FER: variants seen among roughly 807,000 people sequenced by gnomAD.
The protein encoded by FER is FER tyrosine kinase.
A neutral mutation model predicts 111.0 loss-of-function variants in FER; 63 were observed. That is an observed-to-expected ratio of 0.57 (90% CI 0.46 to 0.70). The LOEUF (loss-of-function observed/expected upper bound fraction) is 0.70, where lower values mean the gene tolerates loss of function less well. Among genes scored for constraint, FER ranks in the 30% least tolerant of loss-of-function variants. The pLI is 0.00. For missense variants in FER, 914 were observed against 954.0 expected (o/e 0.96, Z 0.55); for synonymous variants, 327 against 313.9 (o/e 1.04, Z -0.44).
chr5:108,824,431 G>A (rs116122587), intron 3 of FER, among the ~76,000 whole-genome samples: 264 of 152,018 alleles, frequency 1.7e-3, no homozygotes, highest in African/African-American at 6.2e-3. Flanking sequence ...ATTCATGAAC[G>A]TAAACATATT....
chr5:109,036,171 T>A (rs923851325), intron 13 of FER, among the ~76,000 whole-genome samples: 2 of 152,174 alleles, frequency 1.3e-5, no homozygotes, highest in African/African-American at 4.8e-5. Context: ...CAATTTTCAT[T>A]TCTTTTTTAT....
At chr5:108,842,728 A>G (rs1202475024) in intron 5 of FER, 1 of 152,194 alleles carries the variant, frequency 6.6e-6, no homozygotes. Flanking sequence ...GCCATAATAC[A>G]AAAACAAAAC....
At chr5:109,077,519 A>G (rs535886468) in intron 16 of FER, among the ~76,000 whole-genome samples, 1 of 152,214 alleles carries the variant, frequency 6.6e-6, no homozygotes, top group Non-Finnish European at 1.5e-5. Context: ...AGCTTTTAAA[A>G]TTGATTCTTC....
intron 3 of FER, among the ~76,000 whole-genome samples, chr5:108,822,763 A>T (rs201180064): frequency 1.9e-4 from 23 of 118,944 alleles, no homozygotes; most frequent in East Asian, 1.2e-3. Flanking sequence ...ATTTTATTTT[A>T]TTTATTTTAT....
intron 10 of FER, among the ~76,000 whole-genome samples, chr5:108,930,892 G>A (rs1329718090): frequency 1.3e-5 from 2 of 151,840 alleles, no homozygotes; most frequent in Non-Finnish European, 2.9e-5. Context: ...GAGATCACAC[G>A]CGTGAGCCAA....
chr5:109,136,748 C>A (rs889507059), intron 17 of FER, among the ~76,000 whole-genome samples: 1 of 151,622 alleles, frequency 6.6e-6, no homozygotes, highest in African/African-American at 2.4e-5. Context: ...TTTTTCACTA[C>A]CATGCAAAAC....
chr5:109,043,088 A>G (rs1771417045), intron 14 of FER, among the ~76,000 whole-genome samples: 1 of 152,206 alleles, frequency 6.6e-6, no homozygotes, highest in Non-Finnish European at 1.5e-5. Flanking sequence ...AAGGAATAAG[A>G]CAAAAAGTAT....
At position 108,982,965 on chromosome 5, in the gene FER, C is replaced by G. The variant is rs547747449; in HGVS notation, c.1656+23618C>G. On this transcript the variant is annotated intron_variant, in intron 13 of 19. Transcript: ENST00000281092. ...TGGCATGCATACTAAATATGTTAAC[C>G]GTTTCTGTTATTTATTACTACTACT... 2.0e-5 allele frequency among the ~76,000 whole-genome samples: 3 copies of G among 151,928 alleles called. No homozygotes were observed. In the East Asian group the frequency reaches 5.8e-4, roughly 29 times the overall value.
chr5:109,187,180 G>T (rs1180444643), intron 19 of FER, among the ~76,000 whole-genome samples: 5 of 152,080 alleles, frequency 3.3e-5, no homozygotes, highest in African/African-American at 1.2e-4. Flanking sequence ...CATTTGTATT[G>T]TATCTTACAT....
intron 8 of FER, among the ~76,000 whole-genome samples, chr5:108,881,469 C>T (rs1765667212): frequency 6.6e-6 from 1 of 152,132 alleles, no homozygotes; most frequent in South Asian, 2.1e-4. Context: ...CACTGGGTCC[C>T]TCTCACAACA....
intron 3 of FER, among the ~76,000 whole-genome samples, chr5:108,803,963 G>C (rs561092156): frequency 6.6e-6 from 1 of 152,076 alleles, no homozygotes; most frequent in Admixed American, 6.5e-5. Context: ...CAGACCGTCC[G>C]CACAGAATGT....
Position 109,190,048 on chromosome 5 carries a change from G to A in FER, c.*2473G>A, listed in dbSNP as rs1759266782. 1 of 152,114 alleles carries A rather than the reference G, an allele frequency of 6.6e-6. No individual in the cohort carries two copies. The highest frequency in any genetic ancestry group is 1.5e-5 in the Non-Finnish European group (1 of 68,022). The allele number at this position is 152,114 out of a possible 1,614,324, so 9.4% of individuals were successfully genotyped here. ...CATATAGAATATTAAATTTAATATAGTCACATGCATTAAGAAAAACTTACG... is the reference window on the plus strand; with the variant it reads ...CATATAGAATATTAAATTTAATATAATCACATGCATTAAGAAAAACTTACG... On this transcript the variant is annotated 3_prime_UTR_variant, in exon 20 of 20. Coordinates refer to ENST00000281092, the MANE Select transcript of FER (RefSeq NM_005246.4).
chr5:108,985,415 T>C (rs538369792), intron 13 of FER, among the ~76,000 whole-genome samples: 1 of 152,306 alleles, frequency 6.6e-6, no homozygotes, highest in Admixed American at 6.5e-5. Flanking sequence ...TTCTTTCCAC[T>C]TTTTAAAAGT....
At chr5:109,033,688 C>G (rs1039480839) in intron 13 of FER, among the ~76,000 whole-genome samples, 1 of 152,110 alleles carries the variant, frequency 6.6e-6, no homozygotes, top group Non-Finnish European at 1.5e-5. Context: ...TCTACCCCAT[C>G]TTTATCCAAT....
At chr5:108,909,944 C>G (rs567354398) in intron 10 of FER, among the ~76,000 whole-genome samples, 112 of 151,742 alleles carry the variant, frequency 7.4e-4, no homozygotes, top group African/African-American at 2.6e-3. Flanking sequence ...AGCCACAAAA[C>G]TACTAGAAGA....
chr5:108,930,409 T>TCTCC, intron 10 of FER, among the ~76,000 whole-genome samples: 1 of 206 alleles, frequency 4.9e-3, no homozygotes, highest in African/African-American at 0.028. Context: ...TCCCCTTCTT[T>TCTCC]TTTCCTCCCC....
At chr5:109,110,624 G>A (rs1178580754) in intron 17 of FER, among the ~76,000 whole-genome samples, 2 of 152,056 alleles carry the variant, frequency 1.3e-5, no homozygotes, top group African/African-American at 2.4e-5. Flanking sequence ...TGAAGAATCA[G>A]TGGAATTCTT....
At chr5:109,175,574 C>G (rs757616331) in intron 17 of FER, among the ~76,000 whole-genome samples, 4 of 152,076 alleles carry the variant, frequency 2.6e-5, no homozygotes, top group Non-Finnish European at 5.9e-5. Context: ...AAAGCTCAGG[C>G]AACTAAAACA....
At chr5:108,770,752 A>T (rs1752812196) in intron 2 of FER, among the ~76,000 whole-genome samples, 1 of 152,082 alleles carries the variant, frequency 6.6e-6, no homozygotes, top group African/African-American at 2.4e-5. Context: ...AGCTTGTCTA[A>T]ATTCCTAGGA....
Sources: allele counts gnomAD v4.1 joint callset (sites outside exome capture counted in the v4.1 genomes callset), GRCh38; gene constraint gnomAD v4.1.1; transcripts MANE v1.5; gene names NCBI Gene and HGNC (gene_info 2026-07-23, HGNC 2026-07-21).